PFKFB1: variants seen among roughly 807,000 people sequenced by gnomAD.
PFKFB1 encodes 6-phosphofructo-2-kinase/fructose-2,6-bisphosphatase 1.
A neutral mutation model predicts 46.4 loss-of-function variants in PFKFB1; 34 were observed. The ratio of observed to expected loss-of-function variants is 0.73; its 90% CI spans 0.56 to 0.98. The LOEUF (loss-of-function observed/expected upper bound fraction) is 0.98, where lower values mean the gene tolerates loss of function less well. Among genes scored for constraint, PFKFB1 ranks in the 50% least tolerant of loss-of-function variants. The probability of loss-of-function intolerance (pLI) is 0.00; values close to 1 mark genes in which losing one functional copy is unlikely to be tolerated. For synonymous variants in PFKFB1, 119 were observed against 133.8 expected, an observed-to-expected ratio of 0.89 and a Z score of 0.76; for missense variants, 393 against 376.3, an observed-to-expected ratio of 1.04 and a Z score of -0.37.
intron 10 of PFKFB1, among the ~76,000 whole-genome samples, chrX:54,941,919 T>C (rs952694965): frequency 8.9e-6 from 1 of 112,143 alleles, no homozygotes; most frequent in Non-Finnish European, 1.9e-5. Flanking sequence ...GTATAAATTA[T>C]GCTGCTATAA....
intron 1 of PFKFB1, 63 bp from the exon 2 acceptor site, chrX:54,963,445 C>T: frequency 9.0e-7 from 1 of 1,108,748 alleles, no homozygotes; most frequent in East Asian, 3.0e-5. Flanking sequence ...TGGTATTAGG[C>T]CAGAAATGTA....
intron 1 of PFKFB1, among the ~76,000 whole-genome samples, chrX:54,966,902 T>C (rs763793709): frequency 4.5e-5 from 5 of 111,743 alleles, no homozygotes. Flanking sequence ...TAAAGTTGAT[T>C]TGAACCCCTG....
In PFKFB1 at chrX:54,937,633, A is replaced by C; in HGVS notation, c.1190T>G (p.Met397Arg). The C allele has an allele frequency of 8.3e-7, 1 of 1,209,548 alleles. No individual in the cohort carries two copies. The highest frequency in any genetic ancestry group is 1.1e-6 in the Non-Finnish European group (1 of 893,234). ...NVLVICHQAVMRCLLAYFLDK... is the reference protein window; with the variant it reads ...NVLVICHQAVRRCLLAYFLDK... ...CAGGAAATAGGCCAGGAGGCACCGC[A>C]TGACAGCCTGGTGGCAGATCACCAG... Residue 397 changes from methionine to arginine, a missense_variant, in exon 11 of 14, where the codon ATG (methionine) becomes AGG (arginine). Transcript: ENST00000375006.
intron 1 of PFKFB1, among the ~76,000 whole-genome samples, chrX:54,976,821 T>C (rs1030314179): frequency 3.6e-5 from 4 of 111,394 alleles, no homozygotes; most frequent in Non-Finnish European, 7.6e-5. Context: ...AAGATAACTG[T>C]TGATATTCAT....
intron 10 of PFKFB1, among the ~76,000 whole-genome samples, chrX:54,944,350 A>G (rs1423514864): frequency 5.4e-5 from 6 of 111,878 alleles, no homozygotes; most frequent in Non-Finnish European, 7.5e-5. Flanking sequence ...AGAGCTCAAG[A>G]CAAGATAATA....
At chrX:54,997,182 T>C (rs189940330), upstream of PFKFB1, among the ~76,000 whole-genome samples, 523 of 112,100 alleles carry the variant, frequency 4.7e-3, 2 homozygotes, top group South Asian at 0.015. Flanking sequence ...AAGGTAAATA[T>C]TATAACAGAG....
rs1350063934 is a variant in PFKFB1 at position 54,957,154 on chromosome X, C to T, written c.517-880G>A. ...CTCCCTTATTCCTCCACACATTTGGCTTTAGCCAATTTAAGCTACTTATAG... is the reference window on the plus strand; with the variant it reads ...CTCCCTTATTCCTCCACACATTTGGTTTTAGCCAATTTAAGCTACTTATAG... On this transcript the variant is annotated intron_variant, in intron 6 of 13. Transcript: ENST00000375006. Among the ~76,000 whole-genome samples, 3 of 111,933 alleles carry T rather than the reference C, an allele frequency of 2.7e-5. No individual in the cohort carries two copies. In the Admixed American group the frequency reaches 2.8e-4, roughly 11 times the overall value.
intron 1 of PFKFB1, among the ~76,000 whole-genome samples, chrX:54,971,691 A>G (rs545156844): frequency 1.8e-5 from 2 of 111,159 alleles, no homozygotes; most frequent in East Asian, 2.8e-4. Flanking sequence ...TGTTCCATTG[A>G]TCTATATCTC....
intron 9 of PFKFB1, among the ~76,000 whole-genome samples, chrX:54,948,497 T>C (rs1326239235): frequency 8.9e-6 from 1 of 112,035 alleles, no homozygotes; most frequent in Non-Finnish European, 1.9e-5. Context: ...TCCCTCAACA[T>C]GAACTATAAA....
At chrX:54,993,888 C>T (rs941815172) in intron 1 of PFKFB1, 23 bp downstream of exon 1, 1 of 1,190,701 alleles carries the variant, frequency 8.4e-7, no homozygotes, top group African/African-American at 1.8e-5. Context: ...ACCTTTAAAC[C>T]CACGGAAGCA....
intron 10 of PFKFB1, among the ~76,000 whole-genome samples, chrX:54,938,156 G>A (rs751289374): frequency 1.2e-3 from 130 of 112,247 alleles, no homozygotes; most frequent in Non-Finnish European, 2.1e-3. Flanking sequence ...AGAGTTTTGA[G>A]TTTTAAAAAC....
chrX:54,958,977 A>G (rs766966929), intron 4 of PFKFB1, 52 bp from the exon 5 acceptor site: 3 of 787,224 alleles, frequency 3.8e-6, no homozygotes, highest in Non-Finnish European at 5.8e-6. Context: ...CTAACAGAAC[A>G]CCTACTCTTT....
chrX:54,939,268 C>A (rs769294328), intron 10 of PFKFB1, among the ~76,000 whole-genome samples: 20 of 111,417 alleles, frequency 1.8e-4, no homozygotes, highest in African/African-American at 5.6e-4. Context: ...ATTTATAGCA[C>A]TAAATGCCCA....
chrX:54,961,982 G>C (rs1934327650), intron 2 of PFKFB1, among the ~76,000 whole-genome samples: 1 of 111,411 alleles, frequency 9.0e-6, no homozygotes, highest in Non-Finnish European at 1.9e-5. Context: ...TGCTGGAAGG[G>C]GCCAATTGTG....
At position 54,969,324 on chromosome X, in the gene PFKFB1, T is replaced by C. The variant is rs138766719; in HGVS notation, c.98-5942A>G. On this transcript the variant is annotated intron_variant, in intron 1 of 13. Transcript: ENST00000375006. ...ACAGTTCCTGATAAAAGGATAAGTT[T>C]GGCCCCCACACTCGCATGCACAGGC... Among the ~76,000 whole-genome samples the C allele has an allele frequency of 6.2e-3, 695 of 111,700 alleles. 7 individuals carry two copies. Among genetic ancestry groups the C allele is most frequent in the African/African-American group, 0.02 (607 of 30,752 alleles).
intron 1 of PFKFB1, among the ~76,000 whole-genome samples, chrX:54,982,808 A>C (rs1935028261): frequency 9.0e-6 from 1 of 111,578 alleles, no homozygotes; most frequent in South Asian, 3.7e-4. Context: ...CAATTAATGT[A>C]ATCCACCCTA....
Position 54,992,552 on chromosome X carries a change from C to T in PFKFB1, c.97+1359G>A, listed in dbSNP as rs767477490. 5.4e-5 allele frequency among the ~76,000 whole-genome samples: 6 copies of T among 112,087 alleles called. No individual in the cohort carries two copies. In the South Asian group the frequency reaches 2.2e-3, roughly 42 times the overall value. Reference sequence around the variant, plus strand: ...ACTCCCAATAACACTGGGTTGCAGGCATTAATCCTGTTTTATAGCTGAGGA... The same window carrying T: ...ACTCCCAATAACACTGGGTTGCAGGTATTAATCCTGTTTTATAGCTGAGGA... On this transcript the variant is annotated intron_variant, in intron 1 of 13. Transcript: ENST00000375006.
chrX:54,998,414 C>T (rs1057390634), upstream of PFKFB1: 4 of 1,151,771 alleles, frequency 3.5e-6, no homozygotes, highest in Non-Finnish European at 4.6e-6. Flanking sequence ...ACCTTTTATT[C>T]TAGAGGTTTT....
chrX:54,956,994 C>T (rs994342930), intron 6 of PFKFB1, among the ~76,000 whole-genome samples: 6 of 111,792 alleles, frequency 5.4e-5, no homozygotes, highest in Admixed American at 2.9e-4. Context: ...AACATCTGGC[C>T]AAAGTATTCT....
Sources: gnomAD v4.1 joint callset for allele counts (sites outside exome capture counted in the v4.1 genomes callset) on GRCh38, gnomAD v4.1.1 for gene constraint, MANE v1.5 for transcripts, NCBI Gene and HGNC (gene_info 2026-07-23, HGNC 2026-07-21) for gene names.